Variants in ADAM10 observed in about 807,000 individuals in gnomAD.
ADAM10 encodes disintegrin and metalloproteinase domain-containing protein 10.
In ADAM10, 17 loss-of-function variants were observed where a neutral mutation model predicts 90.1. The ratio of observed to expected loss-of-function variants is 0.19; its 90% CI spans 0.13 to 0.28. The LOEUF (loss-of-function observed/expected upper bound fraction) is 0.28, where lower values mean the gene tolerates loss of function less well. Ranked by LOEUF, ADAM10 falls within the 10% of genes least tolerant of loss-of-function variation. The probability of loss-of-function intolerance (pLI) is 1.00; values close to 1 mark genes in which losing one functional copy is unlikely to be tolerated. For synonymous variants in ADAM10, 310 were observed against 298.6 expected (o/e 1.04, Z -0.40); for missense variants, 610 against 914.3 (o/e 0.67, Z 4.29).
chr15:58,609,543 C>G (rs1382043992), intron 14 of ADAM10: 1 of 153,228 alleles, frequency 6.5e-6, no homozygotes, highest in Non-Finnish European at 1.5e-5. Context: ...CACACACATA[C>G]ACACTAATTT....
In ADAM10 at chr15:58,621,241, C is replaced by A. The variant is rs545585020; in HGVS notation, c.1511+230G>T. Among the ~76,000 whole-genome samples the A allele has an allele frequency of 1.9e-5, 2 of 104,006 alleles. 1 individual carries two copies. The highest frequency in any genetic ancestry group is 6.8e-4 in the South Asian group (2 of 2,926). 68.2% of individuals were successfully genotyped at this position (104,006 alleles called of 152,430 possible). On this transcript the variant is annotated intron_variant, in intron 11 of 15. Transcript: ENST00000260408. ...TCATGCCACTGCACTCCAGCCTGGG[C>A]AACAGAGCGAGACCCTGTCTCAAAA...
chr15:58,615,768 G>A (rs1895591302), intron 11 of ADAM10, among the ~76,000 whole-genome samples: 1 of 152,152 alleles, frequency 6.6e-6, no homozygotes, highest in Non-Finnish European at 1.5e-5. Flanking sequence ...AGCACTTTGG[G>A]AGGCCGAGGC....
At chr15:58,723,825 A>G (rs1898941461) in intron 1 of ADAM10, among the ~76,000 whole-genome samples, 1 of 152,220 alleles carries the variant, frequency 6.6e-6, no homozygotes, top group Admixed American at 6.5e-5. Context: ...GGAGAAAAAA[A>G]CCATGAAAGA....
intron 9 of ADAM10, 90 bp from the exon 10 acceptor site, chr15:58,627,973 C>T: frequency 7.7e-7 from 1 of 1,296,638 alleles, no homozygotes. Flanking sequence ...ATCAGGAAAA[C>T]AATGGAAGCT....
At chr15:58,664,990 G>A in intron 5 of ADAM10, 107 bp downstream of exon 5, 1 of 894,978 alleles carries the variant, frequency 1.1e-6, no homozygotes, top group Non-Finnish European at 1.8e-6. Context: ...ATTCCCCACA[G>A]TGGTGTTAAG....
intron 5 of ADAM10, among the ~76,000 whole-genome samples, chr15:58,654,526 GCAC>G (rs1201188131): frequency 6.6e-6 from 1 of 152,090 alleles, no homozygotes; most frequent in Non-Finnish European, 1.5e-5. Context: ...CTACAGGCAT[GCAC>G]CACCACACCT....
At chr15:58,654,862 A>G (rs374904489) in intron 5 of ADAM10, among the ~76,000 whole-genome samples, 2 of 152,250 alleles carry the variant, frequency 1.3e-5, no homozygotes, top group South Asian at 2.1e-4. Context: ...AAGATACCTG[A>G]TATTATTTCA....
chr15:58,625,623 T>C (rs1265206443), intron 10 of ADAM10, among the ~76,000 whole-genome samples: 1 of 152,184 alleles, frequency 6.6e-6, no homozygotes, highest in Non-Finnish European at 1.5e-5. Context: ...AAACAAGCAA[T>C]TGCTATATGG....
intron 1 of ADAM10, among the ~76,000 whole-genome samples, chr15:58,735,013 C>A (rs1451392774): frequency 1.3e-5 from 2 of 152,168 alleles, no homozygotes; most frequent in Non-Finnish European, 2.9e-5. Context: ...CTGGACCTAT[C>A]AACTGAGATT....
intron 2 of ADAM10, among the ~76,000 whole-genome samples, chr15:58,704,869 T>A (rs1415274317): frequency 6.6e-6 from 1 of 152,202 alleles, no homozygotes; most frequent in Admixed American, 6.5e-5. Flanking sequence ...ACTCTAGTAT[T>A]TGGTTGCCGC....
chr15:58,680,285 G>C (rs973592986), intron 3 of ADAM10, among the ~76,000 whole-genome samples: 2 of 152,126 alleles, frequency 1.3e-5, no homozygotes. Flanking sequence ...GCCACCTCCA[G>C]CTAATTTTTG....
chr15:58,716,821 T>C (rs1010145792), intron 2 of ADAM10, among the ~76,000 whole-genome samples: 5 of 151,998 alleles, frequency 3.3e-5, no homozygotes, highest in Admixed American at 2.6e-4. Context: ...ACAAAAGGAA[T>C]AGATTTAATA....
At chr15:58,617,347 C>G (rs1895646459) in intron 11 of ADAM10, among the ~76,000 whole-genome samples, 1 of 151,998 alleles carries the variant, frequency 6.6e-6, no homozygotes, top group African/African-American at 2.4e-5. Context: ...TAATAAATCC[C>G]TGGACACATA....
intron 2 of ADAM10, among the ~76,000 whole-genome samples, chr15:58,708,803 G>A (rs1898384152): frequency 6.6e-6 from 1 of 152,164 alleles, no homozygotes; most frequent in Non-Finnish European, 1.5e-5. Flanking sequence ...CTAGTGCAAA[G>A]TGATTATAAT....
At chr15:58,619,622 G>C (rs937867287) in intron 11 of ADAM10, among the ~76,000 whole-genome samples, 1 of 151,850 alleles carries the variant, frequency 6.6e-6, no homozygotes, top group South Asian at 2.1e-4. Context: ...AATGGAATAG[G>C]GGCCGGGTGC....
rs759530387 is a variant in ADAM10 at position 58,610,075 on chromosome 15, T to C, written c.2025+222A>G. ...AACTAAGGAGCACGGTAAAACAGAA[T>C]GACTCCCATCACCTACTAAGCAATC... is the stretch of plus-strand genomic sequence containing the variant. On this transcript the variant is annotated intron_variant, in intron 14 of 15. Transcript: ENST00000260408. The C allele has an allele frequency of 7.0e-6, 4 of 570,882 alleles. No homozygotes were observed. In the Admixed American group the frequency reaches 1.1e-4, roughly 16 times the overall value. 35.4% of individuals were successfully genotyped at this position (570,882 alleles called of 1,614,324 possible). A position where few individuals can be genotyped will look rare whatever the true frequency, so the allele number is the denominator to read the frequency against.
chr15:58,619,525 C>T (rs997615982), intron 11 of ADAM10, among the ~76,000 whole-genome samples: 1 of 152,036 alleles, frequency 6.6e-6, no homozygotes, highest in Non-Finnish European at 1.5e-5. Flanking sequence ...TCCTTATTAC[C>T]TTGATTTGAT....
At chr15:58,731,385 G>A (rs562737444) in intron 1 of ADAM10, among the ~76,000 whole-genome samples, 8 of 152,184 alleles carry the variant, frequency 5.3e-5, no homozygotes, top group African/African-American at 9.6e-5. Context: ...TTGGGGGGCC[G>A]AGGCGGGCAG....
At chr15:58,598,303 C>T (rs573093500) in intron 15 of ADAM10, among the ~76,000 whole-genome samples, 2 of 152,140 alleles carry the variant, frequency 1.3e-5, no homozygotes, top group South Asian at 2.1e-4. Flanking sequence ...CTGAATAAGA[C>T]CACAATTGGT....
Sources: gnomAD v4.1 joint callset for allele counts (sites outside exome capture counted in the v4.1 genomes callset) on GRCh38, gnomAD v4.1.1 for gene constraint, MANE v1.5 for transcripts, NCBI Gene and HGNC (gene_info 2026-07-23, HGNC 2026-07-21) for gene names.